KAZN: variants seen among roughly 807,000 people sequenced by gnomAD.
KAZN encodes kazrin.
Under a neutral mutation model 87.4 loss-of-function variants are expected in KAZN, and 40 were observed. The observed-to-expected ratio is 0.46, with a 90% confidence interval of 0.36 to 0.60. The LOEUF is 0.60. KAZN is among the 20% of genes least tolerant of loss of function. KAZN has a pLI of 0.00. For synonymous variants in KAZN, 466 were observed against 458.3 expected, an observed-to-expected ratio of 1.02 and a Z score of -0.22; for missense variants, 898 against 1,073.9, an observed-to-expected ratio of 0.84 and a Z score of 2.29.
At chr1:14,509,282 G>A (rs1043161910) in intron 2 of KAZN, among the ~76,000 whole-genome samples, 2 of 152,178 alleles carry the variant, frequency 1.3e-5, no homozygotes, top group Admixed American at 1.3e-4. Flanking sequence ...TAGAAATGTG[G>A]TATGACTATC....
chr1:14,918,675 C>A (rs1572825650), intron 1 of KAZN, among the ~76,000 whole-genome samples: 1 of 37,084 alleles, frequency 2.7e-5, no homozygotes, highest in African/African-American at 1.2e-4. Flanking sequence ...GACTCCATCT[C>A]AAAAAAAAAA....
intron 1 of KAZN, among the ~76,000 whole-genome samples, chr1:14,677,523 G>A (rs1157662600): frequency 1.3e-5 from 2 of 152,082 alleles, no homozygotes; most frequent in Non-Finnish European, 2.9e-5. Context: ...AATTCTGAGA[G>A]GTGATGACAG....
At chr1:14,742,845 G>A (rs1295698494) in intron 1 of KAZN, among the ~76,000 whole-genome samples, 1 of 152,188 alleles carries the variant, frequency 6.6e-6, no homozygotes, top group Non-Finnish European at 1.5e-5. Flanking sequence ...AGTCACCAGG[G>A]TTCAGTGTGT....
At chr1:14,080,479 G>C (rs537553242) in intron 1 of KAZN, among the ~76,000 whole-genome samples, 13 of 136,748 alleles carry the variant, frequency 9.5e-5, no homozygotes, top group African/African-American at 1.6e-4. Context: ...GGCAGAAAAG[G>C]GGGTGGGTAG....
intron 2 of KAZN, among the ~76,000 whole-genome samples, chr1:14,552,197 G>T (rs115206482): frequency 2.0e-5 from 3 of 152,132 alleles, no homozygotes; most frequent in Non-Finnish European, 4.4e-5. Flanking sequence ...TTCTGAGAAC[G>T]GGCAGCATCT....
Position 15,115,038 on chromosome 1 carries a change from AG to A in KAZN, c.*409del. 1.3e-5 allele frequency: 2 copies of A among 159,852 alleles called. No individual in the cohort carries two copies. The highest frequency in any genetic ancestry group is 1.8e-4 in the East Asian group (1 of 5,676). The allele number at this position is 159,852 out of a possible 1,614,324, so 9.9% of individuals were successfully genotyped here. On this transcript the variant is annotated 3_prime_UTR_variant, in exon 15 of 15. Coordinates refer to ENST00000376030, the MANE Select transcript of KAZN (RefSeq NM_201628.3). The surrounding 1 kb of genome is among the most constrained non-coding windows in gnomAD (Gnocchi z 4.1). ...CCTAAAACACCCTTCCGGCGGGAGC[AG>A]GGGGGACCCCAACCCCACACCCCAG...
Position 15,112,419 on chromosome 1 carries a change from C to G in KAZN, c.2049-8C>G, listed in dbSNP as rs1209662981. ...TCCCCTGCTGACTCAAAATGGTCCT[C>G]TCTTCAGCTCCACAGGCATCCGGGA... On this transcript the variant is annotated splice_polypyrimidine_tract_variant and splice_region_variant and intron_variant, in intron 13 of 14. Coordinates refer to ENST00000376030, the MANE Select transcript of KAZN (RefSeq NM_201628.3). 1 of 1,570,832 alleles carries G rather than the reference C, an allele frequency of 6.4e-7. No individual in the cohort carries two copies. The highest frequency in any genetic ancestry group is 1.3e-5 in the African/African-American group (1 of 74,160).
At chr1:14,551,741 C>A (rs929482811) in intron 2 of KAZN, among the ~76,000 whole-genome samples, 1 of 152,124 alleles carries the variant, frequency 6.6e-6, no homozygotes, top group African/African-American at 2.4e-5. Context: ...CATGCTCAAA[C>A]CCCAGCAGAA....
At chr1:14,543,520 G>A (rs1004297146) in intron 2 of KAZN, among the ~76,000 whole-genome samples, 2 of 152,110 alleles carry the variant, frequency 1.3e-5, no homozygotes, top group Admixed American at 6.5e-5. Context: ...GTGACTCATC[G>A]GTACCTTTAG....
rs141385028 is a variant in KAZN, at chr1:14,893,257, T to C, written c.227-67427T>C. Among the ~76,000 whole-genome samples the C allele has an allele frequency of 8.8e-4, 134 of 152,110 alleles. 2 individuals carry two copies. The East Asian group carries it at 0.024, about 27-fold the overall frequency. ...GGCTCGTGCCTGTAATCCCAGCCAC[T>C]TGGGAGGCTGAGGCAGAAGAATCTC... On this transcript the variant is annotated intron_variant, in intron 1 of 14. Coordinates refer to ENST00000376030, the MANE Select transcript of KAZN (RefSeq NM_201628.3).
chr1:14,365,599 A>G (rs1190414511), intron 2 of KAZN, among the ~76,000 whole-genome samples: 1 of 152,154 alleles, frequency 6.6e-6, no homozygotes, highest in Admixed American at 6.5e-5. Flanking sequence ...TGTGGCAGGT[A>G]ATTCCTTGTG....
chr1:14,454,663 TG>T (rs1667467756), intron 2 of KAZN, among the ~76,000 whole-genome samples: 1 of 152,308 alleles, frequency 6.6e-6, no homozygotes, highest in Admixed American at 6.5e-5. Flanking sequence ...CTACTGACCT[TG>T]GGGCATATAC....
At chr1:14,695,671 A>G (rs1188840050) in intron 1 of KAZN, among the ~76,000 whole-genome samples, 1 of 151,448 alleles carries the variant, frequency 6.6e-6, no homozygotes, top group African/African-American at 2.4e-5. Context: ...ATGCCTAGCT[A>G]ATTTTTGTAT....
intron 2 of KAZN, among the ~76,000 whole-genome samples, chr1:14,270,209 A>C (rs911940171): frequency 1.3e-5 from 2 of 152,230 alleles, no homozygotes; most frequent in Non-Finnish European, 2.9e-5. Context: ...TCCCTGATCA[A>C]TGACTTTGGT....
chr1:14,014,946 G>A (rs1640493330), intron 1 of KAZN, among the ~76,000 whole-genome samples: 1 of 152,198 alleles, frequency 6.6e-6, no homozygotes, highest in African/African-American at 2.4e-5. Flanking sequence ...CCAGTGATAA[G>A]ACTAAAGTAA....
chr1:14,697,735 C>G (rs950809733), intron 1 of KAZN, among the ~76,000 whole-genome samples: 6 of 152,222 alleles, frequency 3.9e-5, no homozygotes, highest in African/African-American at 1.4e-4. Flanking sequence ...AAGGGAAGAC[C>G]TGCTCTTAAG....
chr1:14,418,716 T>C (rs1446071632), intron 2 of KAZN, among the ~76,000 whole-genome samples: 1 of 152,222 alleles, frequency 6.6e-6, no homozygotes, highest in Admixed American at 6.5e-5. Context: ...TTGTCTATGA[T>C]CTGATCTCTC....
intron 1 of KAZN, among the ~76,000 whole-genome samples, chr1:13,931,115 A>G (rs1640493528): frequency 6.6e-6 from 1 of 152,236 alleles, no homozygotes; most frequent in Non-Finnish European, 1.5e-5. Context: ...TTTTCTCCTG[A>G]TTAAATAATG....
At chr1:13,950,197 T>G (rs1359213796) in intron 1 of KAZN, among the ~76,000 whole-genome samples, 1 of 150,646 alleles carries the variant, frequency 6.6e-6, no homozygotes, top group Non-Finnish European at 1.5e-5. Context: ...GGTGCCCAGG[T>G]TTTTCTCTGT....
Sources: allele counts gnomAD v4.1 joint callset (sites outside exome capture counted in the v4.1 genomes callset), GRCh38; gene constraint gnomAD v4.1.1; non-coding constraint Gnocchi (gnomAD v3.1); transcripts MANE v1.5; gene names NCBI Gene and HGNC (gene_info 2026-07-23, HGNC 2026-07-21).